PTPN13: variants seen among roughly 807,000 people sequenced by gnomAD.
The protein encoded by PTPN13 is tyrosine-protein phosphatase non-receptor type 13.
PTPN13 carries 191 observed loss-of-function variants against 284.0 expected under a neutral mutation model. The ratio of observed to expected loss-of-function variants is 0.67; its 90% CI spans 0.60 to 0.76. The LOEUF (loss-of-function observed/expected upper bound fraction) is 0.76. PTPN13 is among the 30% of genes least tolerant of loss of function. The pLI is 0.00. For synonymous variants in PTPN13, 986 were observed against 1,022.3 expected, an observed-to-expected ratio of 0.96 and a Z score of 0.68; for missense variants, 2,797 against 2,939.9, an observed-to-expected ratio of 0.95 and a Z score of 1.12.
Position 86,755,075 on chromosome 4 carries a change from C to T in PTPN13, c.3223+2010C>T, listed in dbSNP as rs559020199. Among the ~76,000 whole-genome samples, 5 of 152,090 alleles carry T rather than the reference C, an allele frequency of 3.3e-5. No homozygotes were observed. In the South Asian group the frequency reaches 1.0e-3, roughly 32 times the overall value. ...ACTTGCCCATGCCTCAAATATGGGA[C>T]CTCTTACTCTAATTTCAATGTTCTT... On this transcript the variant is annotated intron_variant, in intron 20 of 47. Transcript: ENST00000411767.
chr4:86,683,230 C>T (rs1020738890), intron 3 of PTPN13, among the ~76,000 whole-genome samples: 2 of 151,928 alleles, frequency 1.3e-5, no homozygotes, highest in East Asian at 1.9e-4. Flanking sequence ...TATGAAGGCT[C>T]ACAAGCTCCA....
At chr4:86,667,925 T>C (rs1578376175) in intron 2 of PTPN13, among the ~76,000 whole-genome samples, 1 of 152,054 alleles carries the variant, frequency 6.6e-6, no homozygotes, top group East Asian at 1.9e-4. Flanking sequence ...GTGTGGAAGA[T>C]GAAAAATAAG....
At chr4:86,619,828 C>G (rs1029800363) in intron 1 of PTPN13, among the ~76,000 whole-genome samples, 1 of 150,976 alleles carries the variant, frequency 6.6e-6, no homozygotes, top group Admixed American at 6.6e-5. Context: ...CATTCTGGTG[C>G]TAGTTTGTTT....
chr4:86,617,304 T>C (rs977981017), intron 1 of PTPN13, among the ~76,000 whole-genome samples: 7 of 152,368 alleles, frequency 4.6e-5, no homozygotes, highest in African/African-American at 1.7e-4. Flanking sequence ...GTTATATGTC[T>C]ACAGACGGTC....
At chr4:86,707,531 T>G (rs964991651) in intron 7 of PTPN13, among the ~76,000 whole-genome samples, 1 of 152,178 alleles carries the variant, frequency 6.6e-6, no homozygotes, top group Non-Finnish European at 1.5e-5. Flanking sequence ...TTTACATTCT[T>G]ACAGTTACGC....
Position 86,722,323 on chromosome 4 carries a change from T to G in PTPN13, c.1497T>G (p.Ser499=). The change falls in exon 10 of 48, where the codon TCT becomes TCG. Residue 499 remains serine, a synonymous_variant. Coordinates refer to ENST00000411767, the MANE Select transcript of PTPN13 (RefSeq NM_080683.3). Reference sequence around the variant, plus strand: ...AAGCCAAAATGGCCCTTAGACAGTCTCGGTTGAGCCTATATCCAGGAGACA... The same window carrying G: ...AAGCCAAAATGGCCCTTAGACAGTCGCGGTTGAGCCTATATCCAGGAGACA... The part of the protein sequence containing the change: ...QLQAKMALRQ[S]RLSLYPGDTI... 1 of 1,613,812 alleles carries G rather than the reference T, an allele frequency of 6.2e-7. No individual in the cohort carries two copies. Among genetic ancestry groups the G allele is most frequent in the African/African-American group, 1.3e-5 (1 of 75,010 alleles).
At chr4:86,706,940 G>A (rs1731837836) in intron 7 of PTPN13, among the ~76,000 whole-genome samples, 1 of 151,716 alleles carries the variant, frequency 6.6e-6, no homozygotes, top group African/African-American at 2.4e-5. Context: ...TTTTTTCTCA[G>A]TATTTTATTT....
intron 1 of PTPN13, among the ~76,000 whole-genome samples, chr4:86,631,453 T>A (rs1035110048): frequency 2.6e-5 from 4 of 152,148 alleles, no homozygotes; most frequent in African/African-American, 7.2e-5. Flanking sequence ...TCTAGAAAGC[T>A]GCTGTAATAC....
At chr4:86,776,770 A>T (rs1205066950) in intron 35 of PTPN13, among the ~76,000 whole-genome samples, 1 of 152,248 alleles carries the variant, frequency 6.6e-6, no homozygotes, top group East Asian at 1.9e-4. Flanking sequence ...AAAGTGTTGA[A>T]TATCTCATGT....
At chr4:86,728,198 G>A (rs1353767071) in intron 10 of PTPN13, among the ~76,000 whole-genome samples, 2 of 149,532 alleles carry the variant, frequency 1.3e-5, no homozygotes, top group South Asian at 2.1e-4. Flanking sequence ...TGTGATTTCT[G>A]TTCTTTTACA....
At chr4:86,765,274 A>C (rs1383534070) in intron 25 of PTPN13, 121 bp from the exon 26 acceptor site, 4 of 674,612 alleles carry the variant, frequency 5.9e-6, no homozygotes, top group Admixed American at 4.8e-5. Flanking sequence ...TATACTGTAC[A>C]TCAGCACATG....
intron 7 of PTPN13, among the ~76,000 whole-genome samples, chr4:86,713,520 G>C (rs1013467485): frequency 2.6e-5 from 4 of 151,706 alleles, no homozygotes; most frequent in African/African-American, 7.3e-5. Context: ...TCCTGTGGTA[G>C]GATGCAATCA....
In PTPN13 at chr4:86,611,583, C is replaced by T. The variant is rs144048091; in HGVS notation, c.-6+16794C>T. 1.5e-3 allele frequency among the ~76,000 whole-genome samples: 227 copies of T among 152,262 alleles called. 2 individuals carry two copies. The highest frequency in any genetic ancestry group is 5.1e-3 in the African/African-American group (210 of 41,542). On this transcript the variant is annotated intron_variant, in intron 1 of 47. Transcript: ENST00000411767. ...CAACAATTTTCAGGACACTGTACAT[C>T]GGGTAATAAAGGACAGTGATCCGTG...
intron 1 of PTPN13, among the ~76,000 whole-genome samples, chr4:86,627,406 C>T (rs1306558790): frequency 6.6e-6 from 1 of 151,908 alleles, no homozygotes; most frequent in East Asian, 1.9e-4. Context: ...CAAATGTTAC[C>T]TGAAGTTGTG....
At chr4:86,713,036 G>A (rs899303144) in intron 7 of PTPN13, among the ~76,000 whole-genome samples, 2 of 152,088 alleles carry the variant, frequency 1.3e-5, no homozygotes, top group African/African-American at 4.8e-5. Context: ...CTGTGAAACA[G>A]TAAATTCATT....
intron 32 of PTPN13, 120 bp downstream of exon 32, chr4:86,773,078 A>C: frequency 1.5e-6 from 1 of 687,038 alleles, no homozygotes; most frequent in East Asian, 2.9e-5. Context: ...GTGTCTAATA[A>C]ATGGATAACA....
At chr4:86,618,309 A>G (rs1578262070) in intron 1 of PTPN13, among the ~76,000 whole-genome samples, 1 of 152,282 alleles carries the variant, frequency 6.6e-6, no homozygotes, top group East Asian at 1.9e-4. Flanking sequence ...TACCAGTACC[A>G]TGCTGTTTTG....
chr4:86,735,466 C>A, intron 14 of PTPN13, 128 bp from the exon 15 acceptor site: 2 of 949,064 alleles, frequency 2.1e-6, no homozygotes, highest in African/African-American at 1.7e-5. Context: ...AAAACTCATT[C>A]CTCAGAGAGA....
rs541424412 is a variant in PTPN13 at position 86,614,687 on chromosome 4, A to G, written c.-6+19898A>G. On this transcript the variant is annotated intron_variant, in intron 1 of 47. Coordinates refer to ENST00000411767, the MANE Select transcript of PTPN13 (RefSeq NM_080683.3). ...TGGACTAAAACAAAACAGTCCTGTA[A>G]TGGAAAATGTAAAGCTTGCTTACTC... Among the ~76,000 whole-genome samples the G allele has an allele frequency of 8.1e-4, 124 of 152,278 alleles. 1 individual carries two copies. The highest frequency in any genetic ancestry group is 6.8e-3 in the Middle Eastern group (2 of 294).
Sources: allele counts gnomAD v4.1 joint callset (sites outside exome capture counted in the v4.1 genomes callset), GRCh38; gene constraint gnomAD v4.1.1; transcripts MANE v1.5; gene names NCBI Gene and HGNC (gene_info 2026-07-23, HGNC 2026-07-21).